ABCB4: variants seen among roughly 807,000 people sequenced by gnomAD.
ABCB4 encodes ATP binding cassette subfamily B member 4.
A neutral mutation model predicts 145.7 loss-of-function variants in ABCB4; 76 were observed. That is an observed-to-expected ratio of 0.52 (90% CI 0.43 to 0.63). The LOEUF (loss-of-function observed/expected upper bound fraction) is 0.63, where lower values mean the gene tolerates loss of function less well. Among genes scored for constraint, ABCB4 ranks in the 30% least tolerant of loss-of-function variants. The pLI is 0.00. For synonymous variants in ABCB4, 517 were observed against 566.8 expected, an observed-to-expected ratio of 0.91 and a Z score of 1.25; for missense variants, 1,234 against 1,553.1, an observed-to-expected ratio of 0.79 and a Z score of 3.45.
At chr7:87,387,209 C>A in the ABCB4 span, among the ~76,000 whole-genome samples, 1 of 151,712 alleles carries the variant, frequency 6.6e-6, no homozygotes, top group Non-Finnish European at 1.5e-5. Context: ...AAGAGTGAAG[C>A]CAGATTGCTT....
chr7:87,468,560 A>G (rs1323096490), intron 3 of ABCB4, among the ~76,000 whole-genome samples: 1 of 152,234 alleles, frequency 6.6e-6, no homozygotes, highest in African/African-American at 2.4e-5. Context: ...CTGATACCAA[A>G]GCCTGGCAGA....
rs1407053758 is a variant in ABCB4 at position 87,439,609 on chromosome 7, C to T, written c.1731+58G>A. On this transcript the variant is annotated intron_variant, in intron 14 of 27. Transcript: ENST00000649586. ...TCAGCCCAGACTCCGGAAGCACTGG[C>T]AAGAATCTTCAATAGGTTTCAATGT... 17 of 1,601,310 alleles carry T rather than the reference C, an allele frequency of 1.1e-5. No individual in the cohort carries two copies. The African/African-American group carries it at 2.1e-4, about 20-fold the overall frequency.
the ABCB4 span, among the ~76,000 whole-genome samples, chr7:87,393,818 C>A: frequency 6.6e-6 from 1 of 152,118 alleles, no homozygotes; most frequent in Non-Finnish European, 1.5e-5. Flanking sequence ...ACAACTGACC[C>A]TTGAACAACA....
intron 14 of ABCB4, among the ~76,000 whole-genome samples, chr7:87,434,712 C>T (rs532747461): frequency 1.6e-4 from 24 of 152,290 alleles, no homozygotes; most frequent in Middle Eastern, 3.4e-3. Context: ...CACACCACTG[C>T]ACTCCAGCCT....
intron 7 of ABCB4, 30 bp from the exon 8 acceptor site, chr7:87,450,122 T>C (rs1451170548): frequency 1.9e-6 from 3 of 1,613,312 alleles, no homozygotes; most frequent in East Asian, 4.5e-5. Context: ...TGATCACTTT[T>C]GTATAGGGAG....
intron 7 of ABCB4, 110 bp from the exon 8 acceptor site, chr7:87,450,202 T>C: frequency 6.9e-7 from 1 of 1,451,216 alleles, no homozygotes; most frequent in Non-Finnish European, 9.5e-7. Context: ...CTTTAACAAA[T>C]ATTAAAGTCA....
intron 27 of ABCB4, among the ~76,000 whole-genome samples, 196 bp downstream of exon 27, chr7:87,402,939 C>T (rs2116306709): frequency 6.6e-6 from 1 of 152,254 alleles, no homozygotes; most frequent in East Asian, 1.9e-4. Context: ...GCAGAGGTTG[C>T]AGTGAGCTGG....
intron 15 of ABCB4, among the ~76,000 whole-genome samples, chr7:87,430,742 G>A (rs545167865): frequency 4.6e-5 from 7 of 152,088 alleles, no homozygotes; most frequent in African/African-American, 7.2e-5. Flanking sequence ...GGCCAGGCTC[G>A]TCTCGAACTC....
chr7:87,441,038 C>T (rs759875430), intron 12 of ABCB4, among the ~76,000 whole-genome samples: 7 of 152,176 alleles, frequency 4.6e-5, no homozygotes, highest in Admixed American at 6.5e-5. Context: ...TGAGCCACTG[C>T]GCCTGGCCCA....
intron 7 of ABCB4, among the ~76,000 whole-genome samples, chr7:87,450,961 T>C (rs774149836): frequency 4.6e-5 from 7 of 152,320 alleles, no homozygotes; most frequent in Non-Finnish European, 8.8e-5. Context: ...ATTTTGTGTA[T>C]TTTATTGCCA....
At chr7:87,435,628 G>A (rs1350731136) in intron 14 of ABCB4, among the ~76,000 whole-genome samples, 1 of 152,210 alleles carries the variant, frequency 6.6e-6, no homozygotes, top group African/African-American at 2.4e-5. Flanking sequence ...AGGCACATGA[G>A]TGAGGCCACT....
chr7:87,432,658 A>G (rs45473093), intron 14 of ABCB4, among the ~76,000 whole-genome samples: 10,667 of 152,270 alleles, frequency 0.07, 393 homozygotes, highest in South Asian at 0.14. Flanking sequence ...TTTATATGAG[A>G]TATCTAAGAG....
chr7:87,465,523 G>T (rs1584788253), intron 3 of ABCB4, among the ~76,000 whole-genome samples: 1 of 152,182 alleles, frequency 6.6e-6, no homozygotes, highest in Non-Finnish European at 1.5e-5. Context: ...AGACTTAAAT[G>T]TCCCTGTCTG....
intron 14 of ABCB4, among the ~76,000 whole-genome samples, chr7:87,434,117 G>A (rs1227322430): frequency 2.6e-5 from 2 of 76,060 alleles, no homozygotes; most frequent in East Asian, 6.7e-4. Flanking sequence ...TTTTTTTTTT[G>A]GATTTTAATA....
intron 3 of ABCB4, among the ~76,000 whole-genome samples, chr7:87,465,006 T>C (rs1009189531): frequency 2.6e-5 from 4 of 152,284 alleles, no homozygotes; most frequent in Non-Finnish European, 4.4e-5. Flanking sequence ...TTCATCTCAC[T>C]GCGGCTTGTC....
At chr7:87,415,546 A>C (rs1235232265) in intron 21 of ABCB4, among the ~76,000 whole-genome samples, 1 of 152,158 alleles carries the variant, frequency 6.6e-6, no homozygotes, top group Non-Finnish European at 1.5e-5. Context: ...CTACTAAAAA[A>C]ATTTAAACTG....
At chr7:87,468,791 C>A (rs1208498997) in intron 3 of ABCB4, among the ~76,000 whole-genome samples, 1 of 151,708 alleles carries the variant, frequency 6.6e-6, no homozygotes, top group Non-Finnish European at 1.5e-5. Context: ...ACTAGCCAGG[C>A]GTGGTGGTGG....
chr7:87,475,248 A>G (rs1813716648), intron 2 of ABCB4, 138 bp downstream of exon 2: 1 of 986,952 alleles, frequency 1.0e-6, no homozygotes, highest in African/African-American at 1.6e-5. Flanking sequence ...TCAGAACCGG[A>G]TGCAAGACCC....
the ABCB4 span, among the ~76,000 whole-genome samples, chr7:87,383,212 C>T: frequency 4.5e-4 from 68 of 152,164 alleles, no homozygotes; most frequent in African/African-American, 1.6e-3. Context: ...GAAGTTATTC[C>T]ATCTAACTGT....
Sources: gnomAD v4.1 joint callset for allele counts (sites outside exome capture counted in the v4.1 genomes callset) on GRCh38, gnomAD v4.1.1 for gene constraint, MANE v1.5 for transcripts, NCBI Gene and HGNC (gene_info 2026-07-23, HGNC 2026-07-21) for gene names.